LRP1B: variants seen among roughly 807,000 people sequenced by gnomAD.
LRP1B encodes the protein LDL receptor related protein 1B.
Under a neutral mutation model 556.6 loss-of-function variants are expected in LRP1B, and 217 were observed. That is an observed-to-expected ratio of 0.39 (90% CI 0.35 to 0.44). LRP1B has a LOEUF of 0.44. Ranked by LOEUF, LRP1B falls within the 20% of genes least tolerant of loss-of-function variation. The probability of loss-of-function intolerance (pLI) is 1.00; values close to 1 mark genes in which losing one functional copy is unlikely to be tolerated. For synonymous variants in LRP1B, 2,047 were observed against 1,865.8 expected (o/e 1.10, Z -2.50); for missense variants, 5,053 against 5,620.8 (o/e 0.90, Z 3.23).
intron 35 of LRP1B, among the ~76,000 whole-genome samples, chr2:140,722,420 C>A (rs1004596846): frequency 4.6e-5 from 7 of 152,148 alleles, no homozygotes; most frequent in African/African-American, 1.7e-4. Flanking sequence ...CATTAATTAT[C>A]TCAATGCTCT....
chr2:140,414,037 G>A (rs1358578813), intron 66 of LRP1B, among the ~76,000 whole-genome samples: 1 of 152,004 alleles, frequency 6.6e-6, no homozygotes, highest in Non-Finnish European at 1.5e-5. Context: ...CACCTCAGGA[G>A]TACCTGTGAC....
intron 11 of LRP1B, among the ~76,000 whole-genome samples, chr2:141,021,274 AAC>A (rs1218154773): frequency 2.6e-5 from 4 of 151,958 alleles, no homozygotes; most frequent in Non-Finnish European, 5.9e-5. Context: ...GCTCAGGAAA[AAC>A]AGTAAAATTT....
chr2:141,832,327 T>TCTCA (rs1257808394), intron 1 of LRP1B, among the ~76,000 whole-genome samples: 10 of 143,966 alleles, frequency 6.9e-5, no homozygotes, highest in South Asian at 4.5e-4. Flanking sequence ...TCTTTCTCTC[T>TCTCA]CACACACACA....
At chr2:141,355,332 C>G (rs2714206) in intron 3 of LRP1B, among the ~76,000 whole-genome samples, 1 of 151,676 alleles carries the variant, frequency 6.6e-6, no homozygotes, top group Non-Finnish European at 1.5e-5. Context: ...ACCTTAATAT[C>G]CACCCTTATA....
chr2:141,062,688 C>T (rs1184576951), intron 7 of LRP1B, among the ~76,000 whole-genome samples: 1 of 151,628 alleles, frequency 6.6e-6, no homozygotes, highest in African/African-American at 2.4e-5. Context: ...ATGTTTGTGT[C>T]TTATAAAACT....
chr2:142,044,066 C>T (rs1198724671), intron 1 of LRP1B, among the ~76,000 whole-genome samples: 1 of 151,620 alleles, frequency 6.6e-6, no homozygotes, highest in Non-Finnish European at 1.5e-5. Context: ...TTATTTATGT[C>T]TATCACAATT....
chr2:140,374,334 A>G (rs138466891), intron 68 of LRP1B, among the ~76,000 whole-genome samples: 30 of 152,318 alleles, frequency 2.0e-4, no homozygotes, highest in African/African-American at 6.3e-4. Flanking sequence ...CCTAGCAAGT[A>G]AAGCACGTTG....
chr2:141,064,178 A>G (rs1262939979), intron 7 of LRP1B, among the ~76,000 whole-genome samples: 3 of 151,842 alleles, frequency 2.0e-5, no homozygotes, highest in South Asian at 2.1e-4. Flanking sequence ...AAAACAGAGA[A>G]TTTTCAGAAT....
At chr2:141,347,610 T>C (rs1688300627) in intron 3 of LRP1B, among the ~76,000 whole-genome samples, 1 of 151,980 alleles carries the variant, frequency 6.6e-6, no homozygotes, top group African/African-American at 2.4e-5. Flanking sequence ...ATTTGAGTAT[T>C]TTAAAATTTT....
At chr2:141,429,578 C>T (rs1158436802) in intron 3 of LRP1B, among the ~76,000 whole-genome samples, 1 of 152,106 alleles carries the variant, frequency 6.6e-6, no homozygotes, top group Admixed American at 6.6e-5. Context: ...TAAAGATCAT[C>T]CCATCACTTA....
intron 1 of LRP1B, among the ~76,000 whole-genome samples, chr2:141,840,065 T>C (rs955102421): frequency 1.3e-5 from 2 of 151,904 alleles, no homozygotes; most frequent in African/African-American, 4.8e-5. Context: ...TCAGGTAGAG[T>C]TGGCCAAAGA....
intron 3 of LRP1B, among the ~76,000 whole-genome samples, chr2:141,423,887 T>C (rs1043819456): frequency 2.6e-5 from 4 of 152,072 alleles, no homozygotes; most frequent in Non-Finnish European, 4.4e-5. Context: ...TGATTTTGGC[T>C]CTTTGAGGAA....
At chr2:142,062,815 C>T (rs974209229) in intron 1 of LRP1B, among the ~76,000 whole-genome samples, 18 of 151,538 alleles carry the variant, frequency 1.2e-4, no homozygotes, top group Non-Finnish European at 2.2e-4. Context: ...GTATCATATG[C>T]CCAGATACTT....
intron 1 of LRP1B, among the ~76,000 whole-genome samples, chr2:142,055,490 T>A (rs1384212526): frequency 2.0e-5 from 3 of 152,186 alleles, no homozygotes; most frequent in Non-Finnish European, 4.4e-5. Flanking sequence ...CTTTGAGTTG[T>A]AATTGAAGCA....
chr2:141,926,638 C>T (rs1271052316), intron 1 of LRP1B, among the ~76,000 whole-genome samples: 3 of 152,134 alleles, frequency 2.0e-5, no homozygotes, highest in Non-Finnish European at 4.4e-5. Context: ...ATATTGGCAT[C>T]TACTTTGAAG....
intron 23 of LRP1B, among the ~76,000 whole-genome samples, chr2:140,894,570 A>T (rs536147432): frequency 6.6e-6 from 1 of 152,254 alleles, no homozygotes; most frequent in South Asian, 2.1e-4. Flanking sequence ...AATTACAGAT[A>T]ATTGAGGGAG....
At position 141,975,456 on chromosome 2, in the gene LRP1B, C is replaced by T. The variant is rs143997144; in HGVS notation, c.82+155192G>A. Among the ~76,000 whole-genome samples, 34 of 152,042 alleles carry T rather than the reference C, an allele frequency of 2.2e-4. No individual in the cohort carries two copies. The Middle Eastern group carries it at 0.01, about 46-fold the overall frequency. On this transcript the variant is annotated intron_variant, in intron 1 of 90. Transcript: ENST00000389484. The stretch of plus-strand genomic sequence containing the variant: ...GCAGCTGGTCTCAATTTTCAGCAGG[C>T]GCTATCCCAGGCAAAGCCACAGAAC...
At chr2:141,033,957 T>A (rs1698454854) in intron 11 of LRP1B, among the ~76,000 whole-genome samples, 1 of 152,210 alleles carries the variant, frequency 6.6e-6, no homozygotes, top group African/African-American at 2.4e-5. Flanking sequence ...GACAGTTATT[T>A]CAATTCCATT....
chr2:140,265,105 A>G (rs1019083762), intron 86 of LRP1B, among the ~76,000 whole-genome samples: 1 of 152,108 alleles, frequency 6.6e-6, no homozygotes, highest in Non-Finnish European at 1.5e-5. Context: ...GTTTACAAAA[A>G]AAACCCTTAA....
Sources: gnomAD v4.1 joint callset for allele counts (sites outside exome capture counted in the v4.1 genomes callset) on GRCh38, gnomAD v4.1.1 for gene constraint, MANE v1.5 for transcripts, NCBI Gene and HGNC (gene_info 2026-07-23, HGNC 2026-07-21) for gene names.